Variants in RBFOX1 observed in about 807,000 individuals in gnomAD.
RBFOX1 encodes RNA binding fox-1 homolog 1, also known as RNA binding protein fox-1 homolog 1.
In RBFOX1, 8 loss-of-function variants were observed where a neutral mutation model predicts 57.7. The ratio of observed to expected loss-of-function variants is 0.14; its 90% CI spans 0.08 to 0.25. The LOEUF (loss-of-function observed/expected upper bound fraction) is 0.25. Among genes scored for constraint, RBFOX1 ranks in the 10% least tolerant of loss-of-function variants. RBFOX1 has a pLI of 1.00. For missense variants in RBFOX1, 611 were observed against 548.5 expected (o/e 1.11, Z -1.14); for synonymous variants, 326 against 222.4 (o/e 1.47, Z -4.15).
At chr16:5,530,065 C>A (rs569826909) in intron 2 of RBFOX1, among the ~76,000 whole-genome samples, 29 of 152,292 alleles carry the variant, frequency 1.9e-4, no homozygotes, top group African/African-American at 7.0e-4. Flanking sequence ...GCATCCAGAG[C>A]TGTGAGACAA....
Position 6,517,638 on chromosome 16 carries a change from C to G in RBFOX1, c.-63-136965C>G, listed in dbSNP as rs148181433. Among the ~76,000 whole-genome samples the G allele has an allele frequency of 4.9e-3, 749 of 152,234 alleles. 21 individuals carry two copies. In the East Asian group the frequency reaches 0.095, roughly 19 times the overall value. The stretch of plus-strand genomic sequence containing the variant: ...GTTTAATCCCGTGACCATCAAACCC[C>G]TCGAGATAGTACTTGATGGCTACAA... On this transcript the variant is annotated intron_variant, in intron 2 of 15. Transcript: ENST00000550418.
At chr16:5,932,074 G>T (rs1358356718) in intron 4 of RBFOX1, among the ~76,000 whole-genome samples, 1 of 152,134 alleles carries the variant, frequency 6.6e-6, no homozygotes, top group Non-Finnish European at 1.5e-5. Flanking sequence ...AAAGTGTTGC[G>T]GATTGCAGGA....
chr16:6,074,599 G>A (rs887415401), intron 1 of RBFOX1, among the ~76,000 whole-genome samples: 1 of 152,158 alleles, frequency 6.6e-6, no homozygotes, highest in Non-Finnish European at 1.5e-5. Context: ...TCTTGCAGTG[G>A]GGGAGAAAGA....
intron 3 of RBFOX1, among the ~76,000 whole-genome samples, chr16:6,950,875 C>T (rs1175195423): frequency 6.6e-6 from 1 of 151,222 alleles, no homozygotes; most frequent in African/African-American, 2.4e-5. Context: ...GTCTCTCTTT[C>T]TCTCTTTCTG....
intron 4 of RBFOX1, among the ~76,000 whole-genome samples, chr16:7,496,427 G>C (rs919396582): frequency 6.6e-6 from 1 of 152,184 alleles, no homozygotes; most frequent in Non-Finnish European, 1.5e-5. Flanking sequence ...AGAGGGGTGA[G>C]CCACTGTGCC....
intron 4 of RBFOX1, among the ~76,000 whole-genome samples, chr16:7,386,461 T>A (rs952230298): frequency 2.6e-5 from 4 of 151,400 alleles, no homozygotes; most frequent in Admixed American, 2.0e-4. Flanking sequence ...CTCCCACTTA[T>A]GAGAACATGT....
intron 3 of RBFOX1, among the ~76,000 whole-genome samples, chr16:6,857,389 T>A (rs917242307): frequency 1.3e-5 from 2 of 152,048 alleles, no homozygotes; most frequent in Non-Finnish European, 2.9e-5. Context: ...GAGGTCTCCA[T>A]CCTACGAAGC....
At chr16:6,546,820 T>C (rs1464215536) in intron 2 of RBFOX1, among the ~76,000 whole-genome samples, 1 of 152,192 alleles carries the variant, frequency 6.6e-6, no homozygotes, top group Non-Finnish European at 1.5e-5. Context: ...GGCTCCATAA[T>C]AGGACCAAAG....
chr16:5,907,239 C>T (rs577403419), intron 4 of RBFOX1, among the ~76,000 whole-genome samples: 5 of 152,118 alleles, frequency 3.3e-5, no homozygotes, highest in South Asian at 4.1e-4. Context: ...GTTGGAAGAG[C>T]GTGAAATTTG....
At chr16:7,562,058 C>T (rs1318138062) in intron 5 of RBFOX1, among the ~76,000 whole-genome samples, 1 of 152,074 alleles carries the variant, frequency 6.6e-6, no homozygotes, top group Non-Finnish European at 1.5e-5. Context: ...TTGGAGGCGT[C>T]AGCCAGAAAG....
intron 3 of RBFOX1, among the ~76,000 whole-genome samples, chr16:5,783,630 C>T (rs771014965): frequency 5.9e-5 from 9 of 152,142 alleles, no homozygotes; most frequent in Non-Finnish European, 1.2e-4. Flanking sequence ...CACCATTTCC[C>T]CTGCTTTTTA....
intron 2 of RBFOX1, among the ~76,000 whole-genome samples, chr16:6,322,196 C>G (rs1440487205): frequency 2.6e-5 from 4 of 152,190 alleles, no homozygotes; most frequent in African/African-American, 9.7e-5. Context: ...GGAATTCTTT[C>G]TAGGTAGTCT....
At chr16:7,087,910 C>G (rs552153957) in intron 4 of RBFOX1, among the ~76,000 whole-genome samples, 1 of 152,090 alleles carries the variant, frequency 6.6e-6, no homozygotes, top group African/African-American at 2.4e-5. Flanking sequence ...CTCTCTCTCT[C>G]GCTCTCTCTT....
intron 3 of RBFOX1, among the ~76,000 whole-genome samples, chr16:6,918,793 G>A (rs2073829668): frequency 6.6e-6 from 1 of 152,144 alleles, no homozygotes; most frequent in Non-Finnish European, 1.5e-5. Flanking sequence ...GGAGTATGCA[G>A]GAGCATTGAG....
intron 2 of RBFOX1, among the ~76,000 whole-genome samples, chr16:5,524,719 T>G (rs2044170721): frequency 1.3e-5 from 2 of 152,018 alleles, no homozygotes; most frequent in East Asian, 3.9e-4. Context: ...TTTTGTATTT[T>G]TAGTAGAGAC....
At chr16:6,625,033 C>G (rs970027324) in intron 2 of RBFOX1, among the ~76,000 whole-genome samples, 4 of 151,652 alleles carry the variant, frequency 2.6e-5, no homozygotes, top group Non-Finnish European at 5.9e-5. Flanking sequence ...GGTGTGGTGT[C>G]GCAGGCTTAT....
intron 1 of RBFOX1, among the ~76,000 whole-genome samples, chr16:6,272,789 T>C (rs2075344044): frequency 6.6e-6 from 1 of 152,184 alleles, no homozygotes; most frequent in African/African-American, 2.4e-5. Context: ...TACATAAGTA[T>C]GTCCAACTGA....
chr16:6,231,455 A>G (rs1432704703), intron 1 of RBFOX1, among the ~76,000 whole-genome samples: 1 of 152,192 alleles, frequency 6.6e-6, no homozygotes, highest in East Asian at 1.9e-4. Flanking sequence ...AGATAAGGAT[A>G]GGGAGCCTCT....
chr16:6,375,473 C>G (rs2534745), intron 2 of RBFOX1, among the ~76,000 whole-genome samples: 5,068 of 151,652 alleles, frequency 0.033, 285 homozygotes, highest in African/African-American at 0.12. Flanking sequence ...TTGTATTTCT[C>G]TAACATTTTT....
Sources: allele counts gnomAD v4.1 joint callset (sites outside exome capture counted in the v4.1 genomes callset), GRCh38; gene constraint gnomAD v4.1.1; transcripts MANE v1.5; gene names NCBI Gene and HGNC (gene_info 2026-07-23, HGNC 2026-07-21).